SYK: variants seen among roughly 807,000 people sequenced by gnomAD.
SYK encodes tyrosine-protein kinase SYK.
Under a neutral mutation model 77.8 loss-of-function variants are expected in SYK, and 16 were observed. That is an observed-to-expected ratio of 0.21 (90% CI 0.14 to 0.31). The LOEUF is 0.31. Ranked by LOEUF, SYK falls within the 10% of genes least tolerant of loss-of-function variation. The pLI, the probability that SYK is intolerant of heterozygous loss-of-function variation, is 1.00. For missense variants in SYK, 529 were observed against 814.4 expected, an observed-to-expected ratio of 0.65 and a Z score of 4.26; for synonymous variants, 312 against 308.7, an observed-to-expected ratio of 1.01 and a Z score of -0.11.
chr9:90,837,060 A>G (rs1029333081), intron 1 of SYK, among the ~76,000 whole-genome samples: 3 of 152,092 alleles, frequency 2.0e-5, no homozygotes, highest in African/African-American at 4.8e-5. Context: ...ATATGTGTTA[A>G]TCAGTTATTT....
At chr9:90,840,947 TA>T (rs1251279748) in intron 1 of SYK, among the ~76,000 whole-genome samples, 1 of 152,218 alleles carries the variant, frequency 6.6e-6, no homozygotes, top group Non-Finnish European at 1.5e-5. Flanking sequence ...TAGCCCCTTG[TA>T]GGATAGTGCA....
chr9:90,804,169 A>G (rs971699131), intron 1 of SYK, among the ~76,000 whole-genome samples: 4 of 152,246 alleles, frequency 2.6e-5, no homozygotes, highest in Non-Finnish European at 5.9e-5. Flanking sequence ...TTAGAAGGGC[A>G]GTTCCTCTCT....
chr9:90,850,447 C>T (rs544296966), intron 3 of SYK, among the ~76,000 whole-genome samples: 10 of 152,036 alleles, frequency 6.6e-5, no homozygotes, highest in South Asian at 4.1e-4. Flanking sequence ...ACCCAGGAGG[C>T]GGAGGTTGCA....
At chr9:90,865,668 C>G (rs1827457923) in intron 6 of SYK, among the ~76,000 whole-genome samples, 2 of 152,104 alleles carry the variant, frequency 1.3e-5, no homozygotes, top group Admixed American at 1.3e-4. Context: ...GGAGAATATA[C>G]ACAATGCGAA....
intron 13 of SYK, among the ~76,000 whole-genome samples, chr9:90,892,934 A>G (rs1828850856): frequency 6.6e-6 from 1 of 152,206 alleles, no homozygotes; most frequent in East Asian, 1.9e-4. Flanking sequence ...GACCTTGGTG[A>G]GATGTCCCCT....
intron 1 of SYK, among the ~76,000 whole-genome samples, chr9:90,802,787 G>A (rs1453080047): frequency 2.1e-5 from 2 of 97,328 alleles, no homozygotes; most frequent in Non-Finnish European, 3.8e-5. Context: ...TCGAACTCAA[G>A]TAGAGTTCAA....
chr9:90,808,083 T>C (rs1824913503), intron 1 of SYK, among the ~76,000 whole-genome samples: 1 of 152,218 alleles, frequency 6.6e-6, no homozygotes, highest in South Asian at 2.1e-4. Context: ...TTTGATATTA[T>C]AAACAGTGCT....
At chr9:90,844,364 C>A in intron 2 of SYK, 49 bp downstream of exon 2, 1 of 1,489,770 alleles carries the variant, frequency 6.7e-7, no homozygotes. Context: ...CCCTGTGACC[C>A]CACACAGACT....
chr9:90,850,027 T>C (rs1826756113), intron 3 of SYK, among the ~76,000 whole-genome samples: 1 of 152,220 alleles, frequency 6.6e-6, no homozygotes, highest in South Asian at 2.1e-4. Flanking sequence ...AGGTGTACCA[T>C]GACCTCTGCA....
chr9:90,844,393 C>CG (rs1258015493), intron 2 of SYK, 78 bp downstream of exon 2: 1 of 1,416,806 alleles, frequency 7.1e-7, no homozygotes, highest in African/African-American at 1.4e-5. Flanking sequence ...ACATGCAACA[C>CG]ATGTGCCTAT....
chr9:90,897,487 A>G lies in SYK; in HGVS notation c.*1887A>G, dbSNP rs199604777. 1.3e-5 allele frequency: 3 copies of G among 232,340 alleles called. No homozygotes were observed. In the East Asian group the frequency reaches 1.8e-4, roughly 14 times the overall value. The allele number at this position is 232,340 out of a possible 1,614,324, so 14.4% of individuals were successfully genotyped here. On this transcript the variant is annotated 3_prime_UTR_variant, in exon 14 of 14. Coordinates refer to ENST00000375754, the MANE Select transcript of SYK (RefSeq NM_003177.7). ...CCAAGTTTGGTAAAGTGGTGACTGC[A>G]TCTGAGAAAGAGGCTGTGAGGCTGA... is the stretch of plus-strand genomic sequence containing the variant.
In SYK at chr9:90,827,988, T is replaced by TA. The variant is rs397714915; in HGVS notation, c.-41-15867dup. 1.2e-3 allele frequency among the ~76,000 whole-genome samples: 186 copies of TA among 152,056 alleles called. 1 individual carries two copies. The highest frequency in any genetic ancestry group is 0.01 in the Middle Eastern group (3 of 294). On this transcript the variant is annotated intron_variant, in intron 1 of 13. Transcript: ENST00000375754. ...GAAAAAGAATGCTAGCGATTTTTTT[T>TA]AAATAGACATTCAGTAAAACTCTAG... is the stretch of plus-strand genomic sequence containing the variant.
chr9:90,898,041 C>CA lies in SYK; in HGVS notation c.*2441_*2442insA. On this transcript the variant is annotated 3_prime_UTR_variant, in exon 14 of 14. Transcript: ENST00000375754. Reference sequence around the variant, plus strand: ...CTGGATTCTCATACCCAGGCTGCCCCTTGGATTGTTCTACCCAAGCTTTTC... The same window carrying CA: ...CTGGATTCTCATACCCAGGCTGCCCCATTGGATTGTTCTACCCAAGCTTTTC... 1 of 228,442 alleles carries CA rather than the reference C, an allele frequency of 4.4e-6. No individual in the cohort carries two copies. The highest frequency in any genetic ancestry group is 8.7e-6 in the Non-Finnish European group (1 of 115,064). 14.2% of individuals were successfully genotyped at this position (228,442 alleles called of 1,614,324 possible). A position where few individuals can be genotyped will look rare whatever the true frequency, so the allele number is the denominator to read the frequency against.
At chr9:90,813,257 C>A (rs1207860778) in intron 1 of SYK, among the ~76,000 whole-genome samples, 2 of 151,944 alleles carry the variant, frequency 1.3e-5, no homozygotes, top group East Asian at 3.9e-4. Flanking sequence ...TGATGGTGAC[C>A]AGAAGGGCTG....
chr9:90,860,111 C>T (rs188238924), intron 3 of SYK, among the ~76,000 whole-genome samples: 44 of 152,346 alleles, frequency 2.9e-4, no homozygotes, highest in African/African-American at 9.1e-4. Context: ...GCCTTGGCCT[C>T]CCAAAGTGCT....
At position 90,844,240 on chromosome 9, in the gene SYK, G is replaced by A. The variant is rs1826491210; in HGVS notation, c.342G>A (p.Gln114=). The change falls in exon 2 of 14, where the codon CAG becomes CAA. Residue 114 remains glutamine (Q), a synonymous_variant. Transcript: ENST00000375754. ...KKPFNRPQGV[Q]PKTGPFEDLK... ...CCTTCAACCGGCCCCAAGGGGTGCA[G>A]CCCAAGACTGGGCCCTTTGAGGATT... The A allele has an allele frequency of 6.2e-7, 1 of 1,614,026 alleles. No homozygotes were observed. Among genetic ancestry groups the A allele is most frequent in the African/African-American group, 1.3e-5 (1 of 74,940 alleles).
Position 90,896,869 on chromosome 9 carries a change from A to G in SYK, c.*1269A>G, listed in dbSNP as rs1352781289. ...TGGTAAAACCCCATCTCTACTAAAAATACAAAAATTAGCCGGGCATGGTGG... is the reference window on the plus strand; with the variant it reads ...TGGTAAAACCCCATCTCTACTAAAAGTACAAAAATTAGCCGGGCATGGTGG... On this transcript the variant is annotated 3_prime_UTR_variant, in exon 14 of 14. Coordinates refer to ENST00000375754, the MANE Select transcript of SYK (RefSeq NM_003177.7). 4 of 199,906 alleles carry G rather than the reference A, an allele frequency of 2.0e-5. No homozygotes were observed. The East Asian group carries it at 2.3e-4, about 12-fold the overall frequency. 12.4% of individuals were successfully genotyped at this position (199,906 alleles called of 1,614,324 possible).
chr9:90,889,624 G>A (rs3789909), intron 13 of SYK, among the ~76,000 whole-genome samples: 19,340 of 152,144 alleles, frequency 0.13, 1,718 homozygotes, highest in Admixed American at 0.28. Context: ...CCACCCAGGG[G>A]GCAGCCACAA....
Position 90,884,495 on chromosome 9 carries a change from A to G in SYK, c.1582-3254A>G, listed in dbSNP as rs1212306152. On this transcript the variant is annotated intron_variant, in intron 11 of 13. Coordinates refer to ENST00000375754, the MANE Select transcript of SYK (RefSeq NM_003177.7). Reference sequence around the variant, plus strand: ...CATATACATACACACACATACACATATGTGTACATGTACATACATACACAT... The same window carrying G: ...CATATACATACACACACATACACATGTGTGTACATGTACATACATACACAT... 5.4e-4 allele frequency among the ~76,000 whole-genome samples: 64 copies of G among 117,546 alleles called. 18 individuals are homozygous for G. The East Asian group carries it at 0.012, about 22-fold the overall frequency. 77.1% of individuals were successfully genotyped at this position (117,546 alleles called of 152,430 possible). A position where few individuals can be genotyped will look rare whatever the true frequency, so the allele number is the denominator to read the frequency against.
Sources: allele counts gnomAD v4.1 joint callset (sites outside exome capture counted in the v4.1 genomes callset), GRCh38; gene constraint gnomAD v4.1.1; transcripts MANE v1.5; gene names NCBI Gene and HGNC (gene_info 2026-07-23, HGNC 2026-07-21).